CHRNA7: variants seen among roughly 807,000 people sequenced by gnomAD.
CHRNA7 encodes the protein neuronal acetylcholine receptor subunit alpha-7.
CHRNA7 carries 17 observed loss-of-function variants against 48.0 expected under a neutral mutation model. That is an observed-to-expected ratio of 0.35 (90% confidence interval 0.24 to 0.53). The LOEUF (loss-of-function observed/expected upper bound fraction) is 0.53. CHRNA7 is among the 20% of genes least tolerant of loss of function. The pLI is 0.92. For synonymous variants in CHRNA7, 75 were observed against 242.3 expected (o/e 0.31, Z 6.41); for missense variants, 155 against 577.7 (o/e 0.27, Z 7.50).
intron 3 of CHRNA7, among the ~76,000 whole-genome samples, chr15:32,109,839 G>A (rs1245416734): frequency 6.6e-6 from 1 of 152,222 alleles, no homozygotes; most frequent in Non-Finnish European, 1.5e-5. Context: ...GGGAGGGGAT[G>A]AGCCCGTGGT....
At chr15:32,032,263 C>T (rs1200270265) in intron 2 of CHRNA7, among the ~76,000 whole-genome samples, 1 of 152,070 alleles carries the variant, frequency 6.6e-6, no homozygotes, top group Non-Finnish European at 1.5e-5. Flanking sequence ...TAGGGGAAGG[C>T]AGGTTCAGTC....
chr15:32,112,062 C>G (rs1208497403), intron 4 of CHRNA7, among the ~76,000 whole-genome samples, 163 bp downstream of exon 4: 1 of 152,260 alleles, frequency 6.6e-6, no homozygotes, highest in Non-Finnish European at 1.5e-5. Flanking sequence ...AGAAGCAGCT[C>G]TGTCCCTGTA....
intron 9 of CHRNA7, chr15:32,165,785 GCA>G (rs1336483837): frequency 1.3e-5 from 2 of 150,816 alleles, no homozygotes; most frequent in Non-Finnish European, 2.9e-5. Flanking sequence ...GAGGTCAAGA[GCA>G]CAGTTTGAGG....
At chr15:32,144,219 T>C (rs1329505751) in intron 4 of CHRNA7, among the ~76,000 whole-genome samples, 1 of 152,226 alleles carries the variant, frequency 6.6e-6, no homozygotes, top group Non-Finnish European at 1.5e-5. Context: ...TTGAAAATTC[T>C]TTAAGAATGT....
chr15:32,034,727 A>G (rs998962427), intron 2 of CHRNA7, among the ~76,000 whole-genome samples: 1 of 152,228 alleles, frequency 6.6e-6, no homozygotes, highest in Non-Finnish European at 1.5e-5. Flanking sequence ...AGTATAAATT[A>G]TAGATTGGAG....
At chr15:32,092,849 T>C (rs1254049912) in intron 2 of CHRNA7, among the ~76,000 whole-genome samples, 1 of 152,142 alleles carries the variant, frequency 6.6e-6, no homozygotes, top group Non-Finnish European at 1.5e-5. Context: ...TCTGTTGGGG[T>C]CTCCTTATCT....
intron 2 of CHRNA7, among the ~76,000 whole-genome samples, chr15:32,093,619 C>T (rs141239432): frequency 7.4e-4 from 112 of 152,204 alleles, no homozygotes; most frequent in Admixed American, 2.0e-3. Context: ...TGGTGTTGCC[C>T]GGATCCAGGT....
intron 3 of CHRNA7, chr15:32,101,883 C>T (rs1044005058): frequency 6.6e-6 from 1 of 152,294 alleles, no homozygotes; most frequent in African/African-American, 2.4e-5. Flanking sequence ...TGCCACTTAA[C>T]ATCCAATTGT....
intron 4 of CHRNA7, among the ~76,000 whole-genome samples, chr15:32,137,932 CAT>C (rs1285576427): frequency 6.6e-6 from 1 of 152,206 alleles, no homozygotes; most frequent in Non-Finnish European, 1.5e-5. Flanking sequence ...AACCTACACA[CAT>C]ATGTTGATAG....
chr15:32,055,775 C>T (rs570857918), intron 2 of CHRNA7, among the ~76,000 whole-genome samples: 1 of 152,026 alleles, frequency 6.6e-6, no homozygotes, highest in African/African-American at 2.4e-5. Flanking sequence ...GTCAGGAGAT[C>T]GAGACCATCC....
chr15:32,093,504 T>A (rs2050416234), intron 2 of CHRNA7, among the ~76,000 whole-genome samples: 1 of 152,204 alleles, frequency 6.6e-6, no homozygotes, highest in Non-Finnish European at 1.5e-5. Flanking sequence ...GCAAGCTCTC[T>A]TATTCCTGCA....
At chr15:32,093,989 C>G (rs752576674) in intron 2 of CHRNA7, among the ~76,000 whole-genome samples, 1 of 152,138 alleles carries the variant, frequency 6.6e-6, no homozygotes, top group Non-Finnish European at 1.5e-5. Flanking sequence ...CAGTCTCTGC[C>G]TCAGTGGCTC....
At chr15:32,122,366 A>G (rs1595472127) in intron 4 of CHRNA7, among the ~76,000 whole-genome samples, 2 of 152,320 alleles carry the variant, frequency 1.3e-5, no homozygotes, top group South Asian at 2.1e-4. Flanking sequence ...CCCGAGAAGC[A>G]AATTAGTCTA....
chr15:32,108,236 G>T (rs1468897625), intron 3 of CHRNA7, among the ~76,000 whole-genome samples: 1 of 151,940 alleles, frequency 6.6e-6, no homozygotes, highest in Non-Finnish European at 1.5e-5. Flanking sequence ...TAGATCAATG[G>T]CCCCTTCCTC....
intron 3 of CHRNA7, among the ~76,000 whole-genome samples, chr15:32,104,773 G>A (rs1285400360): frequency 6.6e-6 from 1 of 152,200 alleles, no homozygotes; most frequent in Non-Finnish European, 1.5e-5. Context: ...CTTTCGTACT[G>A]TGTGTATAAG....
intron 3 of CHRNA7, among the ~76,000 whole-genome samples, chr15:32,108,132 C>T (rs1307981910): frequency 6.6e-6 from 1 of 152,068 alleles, no homozygotes; most frequent in African/African-American, 2.4e-5. Context: ...CACTAGCATC[C>T]ACACACATTT....
chr15:32,148,812 T>G (rs991843415), intron 4 of CHRNA7, among the ~76,000 whole-genome samples: 8 of 152,192 alleles, frequency 5.3e-5, no homozygotes, highest in Admixed American at 1.3e-4. Flanking sequence ...TCCTGGAGCC[T>G]CCTTCGTTCT....
intron 2 of CHRNA7, among the ~76,000 whole-genome samples, chr15:32,054,571 G>A (rs999198683): frequency 1.1e-4 from 17 of 152,092 alleles, no homozygotes; most frequent in Admixed American, 5.9e-4. Flanking sequence ...ACAGACCTTC[G>A]CTCCTCCAGA....
At chr15:32,053,285 ATGC>A (rs1156528199) in intron 2 of CHRNA7, among the ~76,000 whole-genome samples, 1 of 152,232 alleles carries the variant, frequency 6.6e-6, no homozygotes, top group Non-Finnish European at 1.5e-5. Context: ...CATCTTTGAC[ATGC>A]TGTTAAAGGA....
Sources: gnomAD v4.1 joint callset for allele counts (sites outside exome capture counted in the v4.1 genomes callset) on GRCh38, gnomAD v4.1.1 for gene constraint, MANE v1.5 for transcripts, NCBI Gene and HGNC (gene_info 2026-07-23, HGNC 2026-07-21) for gene names.